Variants in MIGA1 observed in about 807,000 individuals in gnomAD.
MIGA1 encodes the protein family with sequence similarity 73, member A.
In MIGA1, 58 loss-of-function variants were observed where a neutral mutation model predicts 82.0. That is an observed-to-expected ratio of 0.71 (90% CI 0.57 to 0.88). The LOEUF (loss-of-function observed/expected upper bound fraction) is 0.88, where lower values mean the gene tolerates loss of function less well. MIGA1 is among the 40% of genes least tolerant of loss of function. MIGA1 has a pLI of 0.00. For missense variants in MIGA1, 751 were observed against 749.1 expected (o/e 1.00, Z -0.03); for synonymous variants, 249 against 253.6 (o/e 0.98, Z 0.17).
chr1:77,833,323 T>A (rs1218884737), intron 7 of MIGA1, among the ~76,000 whole-genome samples: 1 of 152,208 alleles, frequency 6.6e-6, no homozygotes, highest in Middle Eastern at 3.2e-3. Context: ...AGTAATTTCC[T>A]CCCATGTGTA....
intron 7 of MIGA1, among the ~76,000 whole-genome samples, chr1:77,816,157 C>T (rs1683565973): frequency 1.3e-5 from 2 of 151,790 alleles, no homozygotes; most frequent in African/African-American, 2.4e-5. Flanking sequence ...TTGGCCAGGC[C>T]GATCTCCACC....
chr1:77,832,965 C>G lies in MIGA1; in HGVS notation c.896-10342C>G, dbSNP rs1344273593. On this transcript the variant is annotated intron_variant, in intron 7 of 15. Transcript: ENST00000370791. ...TTTTGCCAGCTTAGTACTGACTGCA[C>G]AAATTCTCTGGCAGAGCATAGGAAA... is the stretch of plus-strand genomic sequence containing the variant. Among the ~76,000 whole-genome samples, 5 of 152,342 alleles carry G rather than the reference C, an allele frequency of 3.3e-5. No homozygotes were observed. In the East Asian group the frequency reaches 7.7e-4, roughly 23 times the overall value.
intron 8 of MIGA1, 118 bp from the exon 9 acceptor site, chr1:77,858,820 A>G (rs917658725): frequency 6.4e-6 from 4 of 625,108 alleles, no homozygotes; most frequent in Middle Eastern, 2.8e-4. Context: ...GGGTCTTACC[A>G]TGTTACCCAG....
Position 77,860,072 on chromosome 1 carries a change from C to T in MIGA1, c.1221C>T (p.Phe407=). 1 of 1,611,742 alleles carries T rather than the reference C, an allele frequency of 6.2e-7. No individual in the cohort carries two copies. The highest frequency in any genetic ancestry group is 8.5e-7 in the Non-Finnish European group (1 of 1,178,892). The change falls in exon 11 of 16, where the codon TTC becomes TTT. Residue 407 remains phenylalanine, a synonymous_variant. Coordinates refer to ENST00000370791, the MANE Select transcript of MIGA1 (RefSeq NM_198549.4). ...TTTCAGAATCAGCTAACAGGATATT[C>T]CTCGCTGAGAGCGGAAGGAAAATTT...
chr1:77,866,834 C>A (rs1164953274), intron 14 of MIGA1, among the ~76,000 whole-genome samples: 1 of 151,842 alleles, frequency 6.6e-6, no homozygotes, highest in Non-Finnish European at 1.5e-5. Flanking sequence ...TAGGTGCCAC[C>A]ACACCCGGCT....
intron 14 of MIGA1, among the ~76,000 whole-genome samples, chr1:77,871,821 G>GTT: frequency 1.3e-5 from 2 of 151,550 alleles, no homozygotes; most frequent in South Asian, 4.2e-4. Context: ...CATTTTACTA[G>GTT]TTTTTTTTTG....
At chr1:77,815,730 G>A (rs1683547902) in intron 7 of MIGA1, among the ~76,000 whole-genome samples, 2 of 152,066 alleles carry the variant, frequency 1.3e-5, no homozygotes, top group African/African-American at 4.8e-5. Context: ...TTTTTAAAAA[G>A]TTTTTTATTT....
intron 8 of MIGA1, chr1:77,853,675 C>G: frequency 4.3e-6 from 1 of 233,798 alleles, no homozygotes; most frequent in Non-Finnish European, 8.3e-6. Context: ...CAAAAACAAA[C>G]AAAAACAAAC....
intron 8 of MIGA1, among the ~76,000 whole-genome samples, chr1:77,850,471 T>C (rs980811296): frequency 5.3e-5 from 8 of 152,200 alleles, no homozygotes; most frequent in African/African-American, 1.9e-4. Flanking sequence ...GTAAGTCTTA[T>C]TTATAATTTT....
At chr1:77,844,595 G>A (rs779738841) in intron 8 of MIGA1, among the ~76,000 whole-genome samples, 5 of 152,008 alleles carry the variant, frequency 3.3e-5, no homozygotes, top group South Asian at 2.1e-4. Flanking sequence ...TAAAAATTAC[G>A]TGTGGCCAAT....
At chr1:77,867,082 C>T (rs1685698242) in intron 14 of MIGA1, among the ~76,000 whole-genome samples, 1 of 152,106 alleles carries the variant, frequency 6.6e-6, no homozygotes, top group African/African-American at 2.4e-5. Context: ...TTTGGAGCCC[C>T]TACAAATAAA....
In MIGA1 at chr1:77,807,036, C is replaced by G. The variant is rs1683125815; in HGVS notation, c.572C>G (p.Ala191Gly). 6.2e-7 allele frequency: 1 copy of G among 1,607,356 alleles called. No individual in the cohort carries two copies. Among genetic ancestry groups the G allele is most frequent in the Non-Finnish European group, 8.5e-7 (1 of 1,174,092 alleles). ...GGCAATTCTAATTCCTGGGACAAAGCAGATGAAGATGATATTAAACTTGTT... is the reference window on the plus strand; with the variant it reads ...GGCAATTCTAATTCCTGGGACAAAGGAGATGAAGATGATATTAAACTTGTT... Residue 191 changes from alanine (A) to glycine (G), a missense_variant, in exon 5 of 16, where the codon GCA becomes GGA. Around this residue, in one of 3 missense-constraint regions of MIGA1, gnomAD observed 482 missense variants for 439.4 expected, o/e 1.10. Coordinates refer to ENST00000370791, the MANE Select transcript of MIGA1 (RefSeq NM_198549.4).
intron 7 of MIGA1, among the ~76,000 whole-genome samples, chr1:77,840,571 C>T (rs1684591895): frequency 1.3e-5 from 2 of 152,048 alleles, no homozygotes; most frequent in African/African-American, 2.4e-5. Flanking sequence ...CTTTAGGAGG[C>T]GGAGGCGGAG....
intron 4 of MIGA1, among the ~76,000 whole-genome samples, chr1:77,804,999 T>G (rs1432183539): frequency 2.1e-5 from 3 of 146,048 alleles, no homozygotes; most frequent in Non-Finnish European, 4.5e-5. Context: ...ATTTCTTTTT[T>G]TTTTTTTTTT....
At chr1:77,809,986 G>C (rs1348207633) in intron 5 of MIGA1, among the ~76,000 whole-genome samples, 2 of 152,098 alleles carry the variant, frequency 1.3e-5, no homozygotes, top group African/African-American at 4.8e-5. Flanking sequence ...TTCACAATCA[G>C]TTGTCAGAAA....
intron 2 of MIGA1, among the ~76,000 whole-genome samples, chr1:77,788,947 A>G (rs571062650): frequency 1.3e-5 from 2 of 152,316 alleles, no homozygotes; most frequent in African/African-American, 4.8e-5. Flanking sequence ...CTGCCAAAAA[A>G]TCATTGGGAT....
chr1:77,844,125 TATATATATATATAGATAG>T (rs200153809), intron 8 of MIGA1, among the ~76,000 whole-genome samples: 3,295 of 116,758 alleles, frequency 0.028, 163 homozygotes, highest in African/African-American at 0.11. Context: ...TATATATATA[TATATATATATATAGATAG>T]ATAGATAGAT....
intron 2 of MIGA1, among the ~76,000 whole-genome samples, chr1:77,783,821 A>G (rs1682025399): frequency 6.6e-6 from 1 of 152,184 alleles, no homozygotes; most frequent in African/African-American, 2.4e-5. Context: ...GTTTATCAAC[A>G]TCTTACTGTA....
At chr1:77,846,824 G>C (rs949733406) in intron 8 of MIGA1, among the ~76,000 whole-genome samples, 1 of 152,042 alleles carries the variant, frequency 6.6e-6, no homozygotes. Flanking sequence ...GCGGGCGCCT[G>C]TAGTCCCTGC....
Sources: gnomAD v4.1 joint callset for allele counts (sites outside exome capture counted in the v4.1 genomes callset) on GRCh38, gnomAD v4.1.1 for gene constraint, gnomAD v4.1.1 regional missense constraint, MANE v1.5 for transcripts, NCBI Gene and HGNC (gene_info 2026-07-23, HGNC 2026-07-21) for gene names.